Variants in SNED1 observed in about 807,000 individuals in gnomAD.
SNED1 encodes sushi, nidogen and EGF like domains 1.
In SNED1, 81 loss-of-function variants were observed where a neutral mutation model predicts 166.7. That is an observed-to-expected ratio of 0.49 (90% CI 0.41 to 0.58). The LOEUF (loss-of-function observed/expected upper bound fraction) is 0.58. Among genes scored for constraint, SNED1 ranks in the 20% least tolerant of loss-of-function variants. The pLI, the probability that SNED1 is intolerant of heterozygous loss-of-function variation, is 0.00. For synonymous variants in SNED1, 762 were observed against 822.0 expected (o/e 0.93, Z 1.25); for missense variants, 1,604 against 2,000.2 (o/e 0.80, Z 3.78).
chr2:241,082,062 G>A lies in SNED1; in HGVS notation c.4034-215G>A, dbSNP rs540281046. On this transcript the variant is annotated intron_variant, in intron 28 of 31. Transcript: ENST00000310397. ...GAGGGCTCCCTGACCCAGCCAGAGC[G>A]GTGTCAGGAGAAGGGACTCTCCACC... 7.2e-5 allele frequency among the ~76,000 whole-genome samples: 11 copies of A among 152,294 alleles called. No homozygotes were observed. The East Asian group carries it at 1.5e-3, about 21-fold the overall frequency.
intron 1 of SNED1, among the ~76,000 whole-genome samples, chr2:241,008,298 G>A (rs181787505): frequency 2.6e-5 from 4 of 152,352 alleles, no homozygotes; most frequent in African/African-American, 4.8e-5. Flanking sequence ...TCCGAGGGCT[G>A]CTCGTGGTGA....
At chr2:241,059,963 C>T (rs1055386246) in intron 16 of SNED1, among the ~76,000 whole-genome samples, 1 of 152,070 alleles carries the variant, frequency 6.6e-6, no homozygotes, top group Admixed American at 6.5e-5. Context: ...TTAGAGATCA[C>T]ATGATTGTAT....
chr2:241,092,738 A>C lies in SNED1; in HGVS notation c.*1102A>C, dbSNP rs1174843034. ...GACTCAAGTGATACTGTTTTAGGCT[A>C]TCAGGTAGTAAACACGATCTTAGAC... On this transcript the variant is annotated 3_prime_UTR_variant, in exon 32 of 32. Coordinates refer to ENST00000310397, the MANE Select transcript of SNED1 (RefSeq NM_001080437.3). The surrounding 1 kb of genome is among the most constrained non-coding windows in gnomAD (Gnocchi z 4.6). 6.6e-6 allele frequency: 1 copy of C among 152,278 alleles called. No individual in the cohort carries two copies. The highest frequency in any genetic ancestry group is 1.9e-4 in the East Asian group (1 of 5,190). The allele number at this position is 152,278 out of a possible 1,614,324, so 9.4% of individuals were successfully genotyped here. A position where few individuals can be genotyped will look rare whatever the true frequency, so the allele number is the denominator to read the frequency against.
intron 11 of SNED1, 67 bp from the exon 12 acceptor site, chr2:241,049,750 C>CCAG: frequency 7.8e-7 from 1 of 1,285,374 alleles, no homozygotes. Context: ...AAGGTGCCCG[C>CCAG]CAGCCTCTTG....
chr2:241,065,154 C>T (rs2286320), intron 20 of SNED1, 145 bp from the exon 21 acceptor site: 38,536 of 883,778 alleles, frequency 0.044, 3,799 homozygotes, highest in African/African-American at 0.23. Context: ...CCTGGAGGTA[C>T]GTGGCCAGGG....
At chr2:241,002,850 CCT>C (rs1490328743) in intron 1 of SNED1, among the ~76,000 whole-genome samples, 1 of 152,090 alleles carries the variant, frequency 6.6e-6, no homozygotes, top group East Asian at 1.9e-4. Context: ...TGAATAAACC[CCT>C]GAGAGCCTCC....
At chr2:241,071,512 CAG>C (rs1190514422) in intron 24 of SNED1, 62 bp from the exon 25 acceptor site, 3 of 1,530,468 alleles carry the variant, frequency 2.0e-6, no homozygotes, top group Non-Finnish European at 1.8e-6. Context: ...ACCCATGCCA[CAG>C]GGGCAGGGAC....
Position 241,047,227 on chromosome 2 carries a change from ATTAAACTT to A in SNED1, c.1274-1086_1274-1079del, listed in dbSNP as rs539739574. On this transcript the variant is annotated intron_variant, in intron 8 of 31. Transcript: ENST00000310397. ...CAGTGGCTATATTAATATCGAATAA[ATTAAACTT>A]TAGAATGGGGAATACTGCTGGGAAT... Among the ~76,000 whole-genome samples the A allele has an allele frequency of 7.9e-5, 12 of 152,180 alleles. No homozygotes were observed. In the South Asian group the frequency reaches 2.1e-3, roughly 26 times the overall value.
chr2:241,012,020 G>A (rs1460772966), intron 1 of SNED1, among the ~76,000 whole-genome samples: 2 of 152,214 alleles, frequency 1.3e-5, no homozygotes, highest in African/African-American at 4.8e-5. Context: ...GTGGGCCCGA[G>A]GCCTCTGCAC....
chr2:241,020,679 C>G (rs1008292923), intron 1 of SNED1, among the ~76,000 whole-genome samples: 9 of 152,194 alleles, frequency 5.9e-5, no homozygotes, highest in African/African-American at 2.2e-4. Context: ...GGGTCACACT[C>G]TACTTCTACA....
intron 16 of SNED1, among the ~76,000 whole-genome samples, chr2:241,059,843 C>G (rs1174274923): frequency 6.6e-6 from 1 of 152,114 alleles, no homozygotes; most frequent in African/African-American, 2.4e-5. Flanking sequence ...ACCTGGAATC[C>G]GTACAAGGCA....
intron 16 of SNED1, among the ~76,000 whole-genome samples, chr2:241,055,038 G>A (rs1351153283): frequency 3.3e-5 from 5 of 152,056 alleles, no homozygotes; most frequent in African/African-American, 1.2e-4. Flanking sequence ...AATCGCTTGA[G>A]CCTGGGAGGC....
At chr2:241,039,296 A>G (rs960855271) in intron 6 of SNED1, among the ~76,000 whole-genome samples, 15 of 152,178 alleles carry the variant, frequency 9.9e-5, no homozygotes, top group African/African-American at 3.4e-4. Flanking sequence ...GGGAGTAGTC[A>G]GGCCCTCCTG....
rs561419446 is a variant in SNED1, at chr2:241,079,285, G to A, written c.3917-2392G>A. 6.6e-5 allele frequency among the ~76,000 whole-genome samples: 10 copies of A among 150,962 alleles called. No homozygotes were observed. In the South Asian group the frequency reaches 1.9e-3, roughly 28 times the overall value. On this transcript the variant is annotated intron_variant, in intron 27 of 31. Transcript: ENST00000310397. ...AAATTAGCCGGGCGCAGTGGCAGGC[G>A]CCTGTAGTCCCAGCTACTCAGGAGG...
At chr2:241,019,877 G>A (rs1361296074) in intron 1 of SNED1, among the ~76,000 whole-genome samples, 2 of 152,158 alleles carry the variant, frequency 1.3e-5, no homozygotes, top group Non-Finnish European at 2.9e-5. Context: ...AGAGGGCCAG[G>A]TAGTGACTAT....
intron 8 of SNED1, among the ~76,000 whole-genome samples, chr2:241,046,536 A>G (rs2061651770): frequency 6.6e-6 from 1 of 152,222 alleles, no homozygotes; most frequent in Non-Finnish European, 1.5e-5. Context: ...TGCTGAGTGA[A>G]AGAAGCCAGT....
intron 2 of SNED1, 191 bp from the exon 3 acceptor site, chr2:241,033,544 A>C: frequency 1.7e-6 from 1 of 596,866 alleles, no homozygotes; most frequent in Non-Finnish European, 2.9e-6. Flanking sequence ...GCTGAGTGGC[A>C]GGCGCTGGGA....
chr2:241,090,534 G>A (rs946947568), intron 31 of SNED1: 3 of 1,391,996 alleles, frequency 2.2e-6, no homozygotes, highest in South Asian at 1.5e-5. Flanking sequence ...CTACATAATT[G>A]TATGTGCTAG....
rs927514205 is a variant in SNED1 at position 241,069,444 on chromosome 2, C to T, written c.3307+421C>T. Among the ~76,000 whole-genome samples, 1 of 152,150 alleles carries T rather than the reference C, an allele frequency of 6.6e-6. No individual in the cohort carries two copies. The highest frequency in any genetic ancestry group is 1.5e-5 in the Non-Finnish European group (1 of 68,026). On this transcript the variant is annotated intron_variant, in intron 23 of 31. Transcript: ENST00000310397. This position sits in a 1 kb window ranked among gnomAD's most constrained non-coding sequence, Gnocchi z 4.9. ...TGCATGGGAGGGGTGACAGCATGGACAGTCAGCGCGCAGGGGAGGGACAGG... is the reference window on the plus strand; with the variant it reads ...TGCATGGGAGGGGTGACAGCATGGATAGTCAGCGCGCAGGGGAGGGACAGG...
Sources: allele counts gnomAD v4.1 joint callset (sites outside exome capture counted in the v4.1 genomes callset), GRCh38; gene constraint gnomAD v4.1.1; non-coding constraint Gnocchi (gnomAD v3.1); transcripts MANE v1.5; gene names NCBI Gene and HGNC (gene_info 2026-07-23, HGNC 2026-07-21).